ANKS1B: variants seen among roughly 807,000 people sequenced by gnomAD.
The protein encoded by ANKS1B is ankyrin repeat and sterile alpha motif domain containing 1B.
Under a neutral mutation model 148.3 loss-of-function variants are expected in ANKS1B, and 36 were observed. The ratio of observed to expected loss-of-function variants is 0.24; its 90% CI spans 0.19 to 0.32. The LOEUF (loss-of-function observed/expected upper bound fraction) is 0.32. Ranked by LOEUF, ANKS1B falls within the 10% of genes least tolerant of loss-of-function variation. ANKS1B has a pLI of 1.00. For synonymous variants in ANKS1B, 542 were observed against 560.8 expected, an observed-to-expected ratio of 0.97 and a Z score of 0.47; for missense variants, 1,157 against 1,542.6, an observed-to-expected ratio of 0.75 and a Z score of 4.19.
intron 8 of ANKS1B, among the ~76,000 whole-genome samples, chr12:99,736,391 T>C (rs542676504): frequency 6.6e-6 from 1 of 151,672 alleles, no homozygotes; most frequent in African/African-American, 2.4e-5. Context: ...AACTGATAAA[T>C]TCAGTAAAGT....
chr12:99,974,679 C>T (rs1216119716), intron 1 of ANKS1B, among the ~76,000 whole-genome samples: 2 of 151,892 alleles, frequency 1.3e-5, no homozygotes, highest in African/African-American at 4.8e-5. Flanking sequence ...CGAGACCAAC[C>T]CAGGAGTTCA....
At chr12:99,015,024 C>A (rs2099941577) in intron 17 of ANKS1B, among the ~76,000 whole-genome samples, 1 of 152,154 alleles carries the variant, frequency 6.6e-6, no homozygotes, top group African/African-American at 2.4e-5. Flanking sequence ...TGGTTATATA[C>A]CCAAAGGAAT....
At chr12:99,824,272 C>A (rs914793167) in intron 2 of ANKS1B, among the ~76,000 whole-genome samples, 1 of 151,706 alleles carries the variant, frequency 6.6e-6, no homozygotes, top group Non-Finnish European at 1.5e-5. Context: ...GAGGCCAAGG[C>A]GGGCAGATCA....
chr12:99,676,958 T>A (rs2098577619), intron 8 of ANKS1B, among the ~76,000 whole-genome samples: 1 of 152,214 alleles, frequency 6.6e-6, no homozygotes, highest in East Asian at 1.9e-4. Context: ...TGAGACACAG[T>A]AGAACACACA....
At chr12:99,155,123 A>G in intron 14 of ANKS1B, 3 of 1,500,088 alleles carry the variant, frequency 2.0e-6, no homozygotes, top group Non-Finnish European at 2.7e-6. Context: ...TACGTTTCAA[A>G]AGACACCAGG....
intron 12 of ANKS1B, among the ~76,000 whole-genome samples, chr12:99,293,570 C>G (rs1331784526): frequency 6.6e-6 from 1 of 152,086 alleles, no homozygotes; most frequent in Non-Finnish European, 1.5e-5. Flanking sequence ...AGCTATGAAA[C>G]TACTAAAAGA....
At chr12:98,755,950 T>C (rs1200393095) in intron 25 of ANKS1B, among the ~76,000 whole-genome samples, 5 of 152,324 alleles carry the variant, frequency 3.3e-5, no homozygotes, top group Admixed American at 6.5e-5. Flanking sequence ...CCATAGGATA[T>C]AGCAGAAGCA....
chr12:98,864,028 A>G (rs1052840594), intron 17 of ANKS1B, among the ~76,000 whole-genome samples: 7 of 152,008 alleles, frequency 4.6e-5, no homozygotes, highest in African/African-American at 1.4e-4. Flanking sequence ...CACTTCAATA[A>G]CCGTAAGAGC....
At chr12:99,616,736 G>C (rs967845558) in intron 9 of ANKS1B, among the ~76,000 whole-genome samples, 36 of 152,144 alleles carry the variant, frequency 2.4e-4, no homozygotes, top group African/African-American at 8.7e-4. Context: ...CATGGGCAAA[G>C]ACTTCATGAC....
At chr12:99,859,751 A>G (rs1290149982) in intron 1 of ANKS1B, among the ~76,000 whole-genome samples, 1 of 151,826 alleles carries the variant, frequency 6.6e-6, no homozygotes, top group Non-Finnish European at 1.5e-5. Flanking sequence ...GGTTCAAGCG[A>G]TTCTCCTGCC....
intron 12 of ANKS1B, among the ~76,000 whole-genome samples, chr12:99,322,026 T>A (rs2085372473): frequency 6.6e-6 from 1 of 152,050 alleles, no homozygotes; most frequent in Non-Finnish European, 1.5e-5. Context: ...CAAAGGAAAA[T>A]AAATCATTCT....
At chr12:99,433,413 C>T (rs1008969953) in intron 11 of ANKS1B, among the ~76,000 whole-genome samples, 2 of 152,064 alleles carry the variant, frequency 1.3e-5, no homozygotes, top group Admixed American at 6.6e-5. Flanking sequence ...CAGAACAAGG[C>T]AAAATGTCTT....
chr12:99,364,959 C>T (rs2092688447), intron 12 of ANKS1B, among the ~76,000 whole-genome samples: 2 of 152,148 alleles, frequency 1.3e-5, no homozygotes, highest in African/African-American at 4.8e-5. Context: ...AATTGGTCCC[C>T]CCACCCCAAA....
chr12:98,942,689 C>T (rs531318992), intron 17 of ANKS1B, among the ~76,000 whole-genome samples: 1 of 152,340 alleles, frequency 6.6e-6, no homozygotes, highest in South Asian at 2.1e-4. Context: ...TGACACATTG[C>T]TTTGCACGCA....
intron 8 of ANKS1B, among the ~76,000 whole-genome samples, chr12:99,743,603 C>G (rs1224704721): frequency 3.3e-5 from 5 of 152,226 alleles, no homozygotes; most frequent in Admixed American, 6.5e-5. Flanking sequence ...TACCTTTATG[C>G]TGAATAATTT....
chr12:99,439,509 T>C (rs1341028539), intron 11 of ANKS1B, among the ~76,000 whole-genome samples: 1 of 151,688 alleles, frequency 6.6e-6, no homozygotes. Context: ...GAGCAGATAC[T>C]TCACAAAAGA....
At chr12:99,183,236 A>G (rs2079354484) in intron 14 of ANKS1B, among the ~76,000 whole-genome samples, 1 of 152,364 alleles carries the variant, frequency 6.6e-6, no homozygotes, top group East Asian at 1.9e-4. Context: ...AGATATCACA[A>G]GACACATTAA....
chr12:99,344,680 G>A lies in ANKS1B; in HGVS notation c.1756+54951C>T, dbSNP rs74240122. On this transcript the variant is annotated intron_variant, in intron 12 of 26. Coordinates refer to ENST00000683438, the MANE Select transcript of ANKS1B (RefSeq NM_001352186.2). The stretch of plus-strand genomic sequence containing the variant: ...ATATCCTTTGTATCTAATTTCCTTA[G>A]AGGTGATTTTCTATGCATAACAGAA... Among the ~76,000 whole-genome samples the A allele has an allele frequency of 5.0e-4, 76 of 152,088 alleles. 1 individual carries two copies. The East Asian group carries it at 0.014, about 28-fold the overall frequency.
chr12:99,828,267 C>T (rs982085899), intron 1 of ANKS1B, among the ~76,000 whole-genome samples: 3 of 152,138 alleles, frequency 2.0e-5, no homozygotes, highest in Non-Finnish European at 4.4e-5. Flanking sequence ...CTGGACTAGA[C>T]CCCTGATTGG....
Sources: allele counts gnomAD v4.1 joint callset (sites outside exome capture counted in the v4.1 genomes callset), GRCh38; gene constraint gnomAD v4.1.1; transcripts MANE v1.5; gene names NCBI Gene and HGNC (gene_info 2026-07-23, HGNC 2026-07-21).